Variants in ZMYM5 observed in about 807,000 individuals in gnomAD.
ZMYM5 encodes zinc finger MYM-type protein 5.
Under a neutral mutation model 61.8 loss-of-function variants are expected in ZMYM5, and 41 were observed. The observed-to-expected ratio is 0.66, with a 90% confidence interval of 0.52 to 0.86. ZMYM5 has a LOEUF of 0.86. Ranked by LOEUF, ZMYM5 falls within the 40% of genes least tolerant of loss-of-function variation. The pLI is 0.00. For missense variants in ZMYM5, 706 were observed against 786.7 expected (o/e 0.90, Z 1.23); for synonymous variants, 257 against 276.4 (o/e 0.93, Z 0.70).
chr13:19,862,933 C>A (rs1953825597), intron 1 of ZMYM5, among the ~76,000 whole-genome samples: 1 of 152,230 alleles, frequency 6.6e-6, no homozygotes, highest in Admixed American at 6.5e-5. Flanking sequence ...CGCCATTAAA[C>A]TCGCCCAGAT....
At chr13:19,844,032 G>A (rs375205644) in intron 4 of ZMYM5, among the ~76,000 whole-genome samples, 1 of 151,694 alleles carries the variant, frequency 6.6e-6, no homozygotes, top group African/African-American at 2.4e-5. Context: ...CAGCTATTCG[G>A]GAGGCTGAGG....
intron 7 of ZMYM5, among the ~76,000 whole-genome samples, chr13:19,831,679 A>C (rs1486689727): frequency 8.0e-5 from 12 of 150,216 alleles, no homozygotes; most frequent in African/African-American, 2.9e-4. Flanking sequence ...GCGCACCTGT[A>C]ATCCCAGCTA....
chr13:19,831,765 G>A (rs932142965), intron 7 of ZMYM5, among the ~76,000 whole-genome samples: 1 of 111,518 alleles, frequency 9.0e-6, no homozygotes, highest in African/African-American at 3.3e-5. Context: ...TCCAGCCTGG[G>A]TGACAGAGAG....
intron 7 of ZMYM5, among the ~76,000 whole-genome samples, chr13:19,830,533 C>G (rs1319100129): frequency 6.6e-6 from 1 of 152,074 alleles, no homozygotes; most frequent in South Asian, 2.1e-4. Context: ...AACCACCATG[C>G]CTGGCTAACA....
At chr13:19,859,593 A>ATAG (rs1953652436) in intron 2 of ZMYM5, among the ~76,000 whole-genome samples, 7 of 150,752 alleles carry the variant, frequency 4.6e-5, no homozygotes, top group Admixed American at 2.0e-4. Context: ...ATTTTTTGTA[A>ATAG]AGATGGGGTT....
At chr13:19,860,929 TGC>T (rs1953729674) in intron 2 of ZMYM5, among the ~76,000 whole-genome samples, 2 of 140,482 alleles carry the variant, frequency 1.4e-5, no homozygotes, top group South Asian at 4.4e-4. Context: ...TGCATGTATA[TGC>T]GCACGTGTGT....
chr13:19,846,881 C>G (rs1160184457), intron 4 of ZMYM5, among the ~76,000 whole-genome samples: 3 of 151,894 alleles, frequency 2.0e-5, no homozygotes, highest in Non-Finnish European at 4.4e-5. Flanking sequence ...GAGCTATGAT[C>G]ATGGCACTGC....
chr13:19,840,021 A>G (rs1462344923), intron 4 of ZMYM5, among the ~76,000 whole-genome samples: 3 of 152,346 alleles, frequency 2.0e-5, no homozygotes, highest in Admixed American at 2.0e-4. Flanking sequence ...TTAAATGGAG[A>G]TTCTAAATTA....
chr13:19,827,576 T>C (rs1890972878), intron 7 of ZMYM5, among the ~76,000 whole-genome samples: 1 of 152,228 alleles, frequency 6.6e-6, no homozygotes, highest in Admixed American at 6.6e-5. Flanking sequence ...TTATTAACAT[T>C]GTTAGATGAG....
At chr13:19,853,801 C>T (rs372534141) in intron 2 of ZMYM5, among the ~76,000 whole-genome samples, 1 of 151,870 alleles carries the variant, frequency 6.6e-6, no homozygotes, top group Non-Finnish European at 1.5e-5. Flanking sequence ...AGGGTGGTCT[C>T]GAACTTCTGA....
At chr13:19,853,887 C>T (rs1475570090) in intron 2 of ZMYM5, among the ~76,000 whole-genome samples, 3 of 151,780 alleles carry the variant, frequency 2.0e-5, no homozygotes, top group Non-Finnish European at 4.4e-5. Context: ...TGGCCTCTGG[C>T]CTCAATTTTC....
chr13:19,829,111 C>CAA (rs1891073501), intron 7 of ZMYM5, among the ~76,000 whole-genome samples: 1 of 151,758 alleles, frequency 6.6e-6, no homozygotes, highest in Admixed American at 6.6e-5. Flanking sequence ...CTCCAACAAA[C>CAA]AAAACAAAAC....
intron 4 of ZMYM5, among the ~76,000 whole-genome samples, chr13:19,839,721 T>C (rs1952797845): frequency 6.6e-6 from 1 of 152,164 alleles, no homozygotes; most frequent in Non-Finnish European, 1.5e-5. Context: ...AATCAATCCA[T>C]CTCTTTCTAT....
rs555571425 is a variant in ZMYM5 at position 19,856,023 on chromosome 13, C to CA, written c.-10-3834dup. 4.5e-3 allele frequency among the ~76,000 whole-genome samples: 632 copies of CA among 139,094 alleles called. 10 individuals carry two copies. In the East Asian group the frequency reaches 0.054, roughly 12 times the overall value. The allele number at this position is 139,094 out of a possible 152,430, so 91.3% of individuals were successfully genotyped here. On this transcript the variant is annotated intron_variant, in intron 2 of 7. Transcript: ENST00000337963. ...ACAGAGCGAGATTCCATCTCAAAAACAAAAAAAAAACAAAAAACAAACAAA... is the reference window on the plus strand; with the variant it reads ...ACAGAGCGAGATTCCATCTCAAAAACAAAAAAAAAAACAAAAAACAAACAAA...
At chr13:19,837,171 A>G (rs1290626934) in intron 6 of ZMYM5, among the ~76,000 whole-genome samples, 1 of 151,948 alleles carries the variant, frequency 6.6e-6, no homozygotes, top group African/African-American at 2.4e-5. Flanking sequence ...AGCTTGCGCC[A>G]CCACACCCAG....
At chr13:19,842,495 T>C (rs1316688462) in intron 4 of ZMYM5, among the ~76,000 whole-genome samples, 1 of 152,166 alleles carries the variant, frequency 6.6e-6, no homozygotes, top group Admixed American at 6.6e-5. Flanking sequence ...TAAAACCTAA[T>C]TTGTTGTACT....
chr13:19,834,970 C>T (rs1291990042), intron 7 of ZMYM5, among the ~76,000 whole-genome samples: 1 of 150,606 alleles, frequency 6.6e-6, no homozygotes, highest in Non-Finnish European at 1.5e-5. Flanking sequence ...CAAGTGTTAG[C>T]CACTGTGCCT....
chr13:19,824,825 A>T lies in ZMYM5; in HGVS notation c.1662T>A (p.Asn554Lys). 7.4e-7 allele frequency: 1 copy of T among 1,351,374 alleles called. No individual in the cohort carries two copies. Among genetic ancestry groups the T allele is most frequent in the Non-Finnish European group, 9.9e-7 (1 of 1,012,648 alleles). The allele number at this position is 1,351,374 out of a possible 1,614,324, so 83.7% of individuals were successfully genotyped here. ...AAGTTTCTGAAAACTTCCTCCCTGT[A>T]TTATCTTTTGGAAAGTTAAAATTTC... The part of the protein sequence containing the change: ...QVRNFNFPKD[N>K]TGRKFSETYY... Residue 554 changes from asparagine to lysine, a missense_variant, in exon 8 of 8, where the codon AAT (asparagine) becomes AAA (lysine). Coordinates refer to ENST00000337963, the MANE Select transcript of ZMYM5 (RefSeq NM_001142684.2).
intron 7 of ZMYM5, among the ~76,000 whole-genome samples, chr13:19,826,046 T>TAAAAAAAAA (rs56181038): frequency 8.4e-6 from 1 of 118,890 alleles, no homozygotes. Context: ...ACTCCATGCT[T>TAAAAAAAAA]AAAAAAAAAA....
Sources: gnomAD v4.1 joint callset for allele counts (sites outside exome capture counted in the v4.1 genomes callset) on GRCh38, gnomAD v4.1.1 for gene constraint, MANE v1.5 for transcripts, NCBI Gene and HGNC (gene_info 2026-07-23, HGNC 2026-07-21) for gene names.